Variants in MYO9A observed in about 807,000 individuals in gnomAD.
MYO9A encodes the protein myosin IXA.
MYO9A carries 103 observed loss-of-function variants against 293.3 expected under a neutral mutation model. The observed-to-expected ratio is 0.35, with a 90% CI of 0.30 to 0.41. The LOEUF is 0.41. MYO9A is among the 10% of genes least tolerant of loss of function. The pLI, the probability that MYO9A is intolerant of heterozygous loss-of-function variation, is 1.00. For missense variants in MYO9A, 2,685 were observed against 3,033.0 expected (o/e 0.89, Z 2.69); for synonymous variants, 1,001 against 1,035.7 (o/e 0.97, Z 0.64).
chr15:71,895,653 C>T (rs2057301486), intron 25 of MYO9A, among the ~76,000 whole-genome samples: 1 of 152,002 alleles, frequency 6.6e-6, no homozygotes, highest in Non-Finnish European at 1.5e-5. Flanking sequence ...ACTTATACAA[C>T]AGGATGAGAT....
chr15:71,881,915 G>A (rs189455662), intron 28 of MYO9A, among the ~76,000 whole-genome samples: 2 of 152,182 alleles, frequency 1.3e-5, no homozygotes, highest in African/African-American at 4.8e-5. Flanking sequence ...TCAATAGTAG[G>A]GAATTCCCAG....
intron 22 of MYO9A, among the ~76,000 whole-genome samples, chr15:71,901,990 C>T (rs1181703121): frequency 6.6e-6 from 1 of 152,062 alleles, no homozygotes; most frequent in Non-Finnish European, 1.5e-5. Context: ...TCCTTCATTC[C>T]ACTAATGTTT....
At chr15:71,956,310 T>TAAAAAAAA (rs869151550) in intron 14 of MYO9A, among the ~76,000 whole-genome samples, 18 of 36,756 alleles carry the variant, frequency 4.9e-4, no homozygotes, top group African/African-American at 8.4e-4. Context: ...ACCCGGCTCT[T>TAAAAAAAA]AAAAAAAAAA....
At chr15:72,000,392 A>G (rs1759812867) in intron 8 of MYO9A, among the ~76,000 whole-genome samples, 1 of 152,110 alleles carries the variant, frequency 6.6e-6, no homozygotes, top group Non-Finnish European at 1.5e-5. Context: ...TATGTTTCAG[A>G]TATTTCTTCT....
chr15:72,011,608 T>C (rs1463128983), intron 6 of MYO9A, among the ~76,000 whole-genome samples: 1 of 151,518 alleles, frequency 6.6e-6, no homozygotes, highest in Non-Finnish European at 1.5e-5. Context: ...AAAAAAAAAA[T>C]TGTTGTGGAA....
At chr15:72,047,768 T>TA (rs1178086436) in intron 1 of MYO9A, among the ~76,000 whole-genome samples, 1 of 103,668 alleles carries the variant, frequency 9.6e-6, no homozygotes, top group Non-Finnish European at 1.9e-5. Flanking sequence ...TACTTTCAGT[T>TA]ACTTCCTTTT....
intron 19 of MYO9A, among the ~76,000 whole-genome samples, chr15:71,915,353 T>C (rs1342320900): frequency 1.3e-5 from 2 of 152,056 alleles, no homozygotes; most frequent in East Asian, 1.9e-4. Flanking sequence ...GATTTCATTA[T>C]ACTCAATTCC....
intron 1 of MYO9A, among the ~76,000 whole-genome samples, chr15:72,097,092 G>A (rs1194146772): frequency 6.6e-6 from 1 of 152,178 alleles, no homozygotes; most frequent in African/African-American, 2.4e-5. Context: ...CATCAACATA[G>A]TTGATAAAGC....
At chr15:71,835,184 C>G (rs1171732445) in intron 39 of MYO9A, among the ~76,000 whole-genome samples, 1 of 152,198 alleles carries the variant, frequency 6.6e-6, no homozygotes, top group Non-Finnish European at 1.5e-5. Context: ...AATTCTATAG[C>G]AAACATCACA....
intron 1 of MYO9A, among the ~76,000 whole-genome samples, chr15:72,054,598 G>A (rs1020407530): frequency 6.8e-6 from 1 of 147,004 alleles, no homozygotes; most frequent in Non-Finnish European, 1.5e-5. Flanking sequence ...TTGAACCCAG[G>A]AGGCAGACGT....
At chr15:72,036,657 T>C (rs1255734567) in intron 2 of MYO9A, 2 of 152,172 alleles carry the variant, frequency 1.3e-5, no homozygotes, top group South Asian at 2.1e-4. Flanking sequence ...ATTTGACTTA[T>C]CTGGCATTTC....
chr15:71,899,737 T>C lies in MYO9A; in HGVS notation c.3420A>G (p.Lys1140=), dbSNP rs199981672. The C allele has an allele frequency of 3.1e-6, 5 of 1,614,068 alleles. No homozygotes were observed. In the Admixed American group the frequency reaches 6.7e-5, roughly 22 times the overall value. ...RESKRYQEQR[K]KIILLQSTCR... ...ATGTTGATTGCAAAAGGATAATTTT[T>C]TTCCTTTGTTCTTGGTACCTTTTAC... The change falls in exon 24 of 42, where the codon AAA becomes AAG. Residue 1140 remains lysine (K), a synonymous_variant. Coordinates refer to ENST00000356056, the MANE Select transcript of MYO9A (RefSeq NM_006901.4).
intron 11 of MYO9A, among the ~76,000 whole-genome samples, chr15:71,988,192 C>T (rs1364765046): frequency 1.3e-5 from 2 of 152,166 alleles, no homozygotes; most frequent in Non-Finnish European, 2.9e-5. Flanking sequence ...AAACTAAATG[C>T]ATTCCCTCAC....
At chr15:71,840,001 GA>G (rs1280832438) in intron 39 of MYO9A, among the ~76,000 whole-genome samples, 2 of 152,130 alleles carry the variant, frequency 1.3e-5, no homozygotes, top group African/African-American at 4.8e-5. Flanking sequence ...TCTAGCTCAG[GA>G]CCCCTGGAAA....
In MYO9A at chr15:72,024,222, A is replaced by C. The variant is rs553216516; in HGVS notation, c.999-3205T>G. On this transcript the variant is annotated intron_variant, in intron 4 of 41. Coordinates refer to ENST00000356056, the MANE Select transcript of MYO9A (RefSeq NM_006901.4). ...AGACAAGATTCAATTAAACATGAAGAAATAAAGAACACTGGTAAAAGTAAC... is the reference window on the plus strand; with the variant it reads ...AGACAAGATTCAATTAAACATGAAGCAATAAAGAACACTGGTAAAAGTAAC... Among the ~76,000 whole-genome samples the C allele has an allele frequency of 4.6e-5, 7 of 152,354 alleles. No individual in the cohort carries two copies. The East Asian group carries it at 1.3e-3, about 29-fold the overall frequency.
chr15:71,931,685 C>T (rs1189931193), intron 18 of MYO9A, among the ~76,000 whole-genome samples: 3 of 152,104 alleles, frequency 2.0e-5, no homozygotes, highest in Admixed American at 6.5e-5. Context: ...TTTTCTCTCA[C>T]TTTTTCTTTC....
intron 2 of MYO9A, chr15:72,036,366 G>A (rs541515267): frequency 1.3e-5 from 2 of 152,214 alleles, no homozygotes; most frequent in South Asian, 4.1e-4. Context: ...GACAAAAACT[G>A]TCAAACTCAA....
intron 31 of MYO9A, among the ~76,000 whole-genome samples, chr15:71,876,185 G>A (rs566529324): frequency 1.7e-4 from 25 of 145,838 alleles, no homozygotes; most frequent in African/African-American, 5.6e-4. Context: ...TTGCTCTGTC[G>A]CCCAGGTTGG....
At position 71,893,782 on chromosome 15, in the gene MYO9A, T is replaced by C. The variant is rs2057246018; in HGVS notation, c.5043-4A>G. ...GTTTAAGGCTTCTTTGCTGACACTT[T>C]AAATAAAACAATGAAATTACATTTC... is the stretch of plus-strand genomic sequence containing the variant. On this transcript the variant is annotated splice_region_variant and splice_polypyrimidine_tract_variant and intron_variant, in intron 25 of 41. Transcript: ENST00000356056. 1 of 1,607,378 alleles carries C rather than the reference T, an allele frequency of 6.2e-7. No homozygotes were observed. The highest frequency in any genetic ancestry group is 8.5e-7 in the Non-Finnish European group (1 of 1,174,420).
Sources: gnomAD v4.1 joint callset for allele counts (sites outside exome capture counted in the v4.1 genomes callset) on GRCh38, gnomAD v4.1.1 for gene constraint, MANE v1.5 for transcripts, NCBI Gene and HGNC (gene_info 2026-07-23, HGNC 2026-07-21) for gene names.